SEC14L2: variants seen among roughly 807,000 people sequenced by gnomAD.
SEC14L2 encodes SEC14-like protein 2.
In SEC14L2, 50 loss-of-function variants were observed where a neutral mutation model predicts 56.9. That is an observed-to-expected ratio of 0.88 (90% CI 0.70 to 1.11). The LOEUF is 1.11. Among genes scored for constraint, SEC14L2 ranks in the 50% most tolerant of loss-of-function variants. The probability of loss-of-function intolerance (pLI) is 0.00; values close to 1 mark genes in which losing one functional copy is unlikely to be tolerated. For missense variants in SEC14L2, 414 were observed against 500.7 expected (o/e 0.83, Z 1.65); for synonymous variants, 179 against 188.5 (o/e 0.95, Z 0.41).
At chr22:30,420,048 G>C (rs1279790810) in intron 11 of SEC14L2, among the ~76,000 whole-genome samples, 1 of 151,714 alleles carries the variant, frequency 6.6e-6, no homozygotes, top group African/African-American at 2.4e-5. Context: ...TCGCCTCCCA[G>C]GTTCAAGTGA....
Position 30,424,832 on chromosome 22 carries a change from G to A in SEC14L2, c.*2425G>A, listed in dbSNP as rs1331754836. ...CCTGGGTGAACTGAGGTCCAGCGGG[G>A]GAAGGCTTCCTCCTGTTGTAATCAC... On this transcript the variant is annotated 3_prime_UTR_variant, in exon 12 of 12. Coordinates refer to ENST00000615189, the MANE Select transcript of SEC14L2 (RefSeq NM_012429.5). The A allele has an allele frequency of 8.8e-6, 4 of 456,508 alleles. No homozygotes were observed. Among genetic ancestry groups the A allele is most frequent in the Non-Finnish European group, 1.8e-5 (4 of 226,944 alleles). 28.3% of individuals were successfully genotyped at this position (456,508 alleles called of 1,614,324 possible). A position where few individuals can be genotyped will look rare whatever the true frequency, so the allele number is the denominator to read the frequency against.
At chr22:30,415,637 G>C (rs538935937) in intron 8 of SEC14L2, 122 bp from the exon 9 acceptor site, 15 of 739,858 alleles carry the variant, frequency 2.0e-5, no homozygotes, top group South Asian at 1.2e-4. Flanking sequence ...AATTTGAGGC[G>C]GGGTGTTGTG....
rs1026426925 is a variant in SEC14L2, at chr22:30,424,119, G to C, written c.*1712G>C. On this transcript the variant is annotated 3_prime_UTR_variant, in exon 12 of 12. Coordinates refer to ENST00000615189, the MANE Select transcript of SEC14L2 (RefSeq NM_012429.5). ...CCTTCACAGTGACGGCGGAGACCCTGCCCCGCCAGCTGCTCAGTACGTGCC... is the reference window on the plus strand; with the variant it reads ...CCTTCACAGTGACGGCGGAGACCCTCCCCCGCCAGCTGCTCAGTACGTGCC... The C allele has an allele frequency of 6.5e-6, 1 of 153,394 alleles. No individual in the cohort carries two copies. The highest frequency in any genetic ancestry group is 1.9e-4 in the East Asian group (1 of 5,194). 9.5% of individuals were successfully genotyped at this position (153,394 alleles called of 1,614,324 possible).
intron 8 of SEC14L2, 60 bp downstream of exon 8, chr22:30,410,739 G>A: frequency 2.0e-6 from 3 of 1,509,592 alleles, no homozygotes; most frequent in Non-Finnish European, 2.8e-6. Flanking sequence ...ATCGGGTCCA[G>A]CTTTAGGGGT....
intron 11 of SEC14L2, among the ~76,000 whole-genome samples, chr22:30,418,755 G>A (rs1934445312): frequency 1.3e-5 from 2 of 152,220 alleles, no homozygotes; most frequent in African/African-American, 2.4e-5. Flanking sequence ...TTAGATGTGA[G>A]CCCAGAGAGA....
chr22:30,406,456 G>A (rs1934096434), intron 3 of SEC14L2, 71 bp downstream of exon 3: 6 of 1,452,130 alleles, frequency 4.1e-6, no homozygotes, highest in East Asian at 4.6e-5. Flanking sequence ...TTCTTTTGCC[G>A]CACCTCCCAT....
intron 2 of SEC14L2, 139 bp downstream of exon 2, chr22:30,399,857 A>C (rs576172737): frequency 6.3e-6 from 4 of 639,760 alleles, no homozygotes; most frequent in East Asian, 2.8e-5. Context: ...CTTGGCAATG[A>C]CATAAGCTCA....
Position 30,422,407 on chromosome 22 carries a change from A to G in SEC14L2, c.1212A>G (p.Ter404=), listed in dbSNP as rs755763751. The change falls in exon 12 of 12, where the codon TAA becomes TAG. Residue 404 remains the stop codon, a stop_retained_variant. Coordinates refer to ENST00000615189, the MANE Select transcript of SEC14L2 (RefSeq NM_012429.5). ...AGCTGGGGGCAGGCACCCCGAAATA[A>G]CACCTTCTCCTATAGCAGGCCTGGC... ...MKQLGAGTPK[*] The G allele has an allele frequency of 4.3e-6, 7 of 1,614,016 alleles. No individual in the cohort carries two copies. Among genetic ancestry groups the G allele is most frequent in the Admixed American group, 1.7e-5 (1 of 59,994 alleles).
At chr22:30,401,680 A>AT (rs61523027) in intron 2 of SEC14L2, among the ~76,000 whole-genome samples, 68,634 of 139,804 alleles carry the variant, frequency 0.49, 16,880 homozygotes, top group Middle Eastern at 0.58. Context: ...CGCCCGGCTA[A>AT]TTTTTTTTTT....
chr22:30,407,389 G>C, intron 4 of SEC14L2, 26 bp from the exon 5 acceptor site: 1 of 1,607,694 alleles, frequency 6.2e-7, no homozygotes, highest in Non-Finnish European at 8.5e-7. Flanking sequence ...CTGCTGACCA[G>C]GTGGCTCCTC....
intron 1 of SEC14L2, 51 bp downstream of exon 1, chr22:30,397,221 C>G (rs755629999): frequency 1.4e-6 from 2 of 1,439,884 alleles, no homozygotes. Context: ...GGCCCTCGCC[C>G]TCCTGCGGCA....
Position 30,415,637 on chromosome 22 carries a change from G to T in SEC14L2, c.665-122G>T, listed in dbSNP as rs538935937. 698 of 739,974 alleles carry T rather than the reference G, an allele frequency of 9.4e-4. 9 individuals are homozygous for T. The highest frequency in any genetic ancestry group is 2.5e-4 in the Non-Finnish European group (108 of 435,502). The allele number at this position is 739,974 out of a possible 1,614,324, so 45.8% of individuals were successfully genotyped here. ...TGCTCCTAATGCAGGAATTTGAGGC[G>T]GGGTGTTGTGGGGTGCAATGGATGG... is the stretch of plus-strand genomic sequence containing the variant. On this transcript the variant is annotated intron_variant, in intron 8 of 11. Coordinates refer to ENST00000615189, the MANE Select transcript of SEC14L2 (RefSeq NM_012429.5).
intron 2 of SEC14L2, among the ~76,000 whole-genome samples, chr22:30,402,938 G>A (rs1408319872): frequency 2.0e-5 from 3 of 152,002 alleles, no homozygotes; most frequent in Admixed American, 2.0e-4. Context: ...AAATTAGCTG[G>A]GTGTGGTGGC....
intron 11 of SEC14L2, 84 bp from the exon 12 acceptor site, chr22:30,422,193 T>C: frequency 6.5e-7 from 1 of 1,549,656 alleles, no homozygotes; most frequent in Non-Finnish European, 8.8e-7. Flanking sequence ...CCTTGCTCAG[T>C]CACTAAACAT....
chr22:30,420,086 T>C (rs1288489368), intron 11 of SEC14L2, among the ~76,000 whole-genome samples: 2 of 152,130 alleles, frequency 1.3e-5, no homozygotes, highest in Non-Finnish European at 2.9e-5. Context: ...CCCAAGTAGC[T>C]GGGATTACAG....
Position 30,424,475 on chromosome 22 carries a change from C to T in SEC14L2, c.*2068C>T, listed in dbSNP as rs1038359673. ...GAGCCAGCGGGGGCCTCAATAGTTA[C>T]TCATTTTCTCTACCTTTGATGAAAA... is the stretch of plus-strand genomic sequence containing the variant. On this transcript the variant is annotated 3_prime_UTR_variant, in exon 12 of 12. Transcript: ENST00000615189. The T allele has an allele frequency of 5.6e-5, 19 of 341,652 alleles. No individual in the cohort carries two copies. The highest frequency in any genetic ancestry group is 4.1e-4 in the African/African-American group (19 of 46,186). 21.2% of individuals were successfully genotyped at this position (341,652 alleles called of 1,614,324 possible).
At chr22:30,411,735 T>C (rs1601781025) in intron 8 of SEC14L2, among the ~76,000 whole-genome samples, 3 of 4,626 alleles carry the variant, frequency 6.5e-4, no homozygotes, top group African/African-American at 1.1e-3. Flanking sequence ...CAACAGAGAC[T>C]CCGTCTCAAA....
rs988638791 is a variant in SEC14L2, at chr22:30,424,387, G to C, written c.*1980G>C. 1 of 191,944 alleles carries C rather than the reference G, an allele frequency of 5.2e-6. No individual in the cohort carries two copies. Among genetic ancestry groups the C allele is most frequent in the Non-Finnish European group, 1.1e-5 (1 of 90,222 alleles). 11.9% of individuals were successfully genotyped at this position (191,944 alleles called of 1,614,324 possible). ...CTCAGCTTGAGGTAACTGCTGACCG[G>C]ACTGTCCTATACAGCCCTACAAGAC... On this transcript the variant is annotated 3_prime_UTR_variant, in exon 12 of 12. Coordinates refer to ENST00000615189, the MANE Select transcript of SEC14L2 (RefSeq NM_012429.5).
chr22:30,413,535 CAT>C (rs1305379141), intron 8 of SEC14L2, among the ~76,000 whole-genome samples: 1 of 152,074 alleles, frequency 6.6e-6, no homozygotes. Flanking sequence ...GCCTGGGAAA[CAT>C]AGTGAGACAC....
Sources: gnomAD v4.1 joint callset for allele counts (sites outside exome capture counted in the v4.1 genomes callset) on GRCh38, gnomAD v4.1.1 for gene constraint, MANE v1.5 for transcripts, NCBI Gene and HGNC (gene_info 2026-07-23, HGNC 2026-07-21) for gene names.